Variants in CNTLN observed in about 807,000 individuals in gnomAD.
The protein encoded by CNTLN is centlein.
A neutral mutation model predicts 180.0 loss-of-function variants in CNTLN; 212 were observed. The observed-to-expected ratio is 1.18, with a 90% CI of 1.05 to 1.32. The LOEUF (loss-of-function observed/expected upper bound fraction) is 1.32. Among genes scored for constraint, CNTLN ranks in the 40% most tolerant of loss-of-function variants. The pLI, the probability that CNTLN is intolerant of heterozygous loss-of-function variation, is 0.00. For missense variants in CNTLN, 2,095 were observed against 1,610.9 expected, an observed-to-expected ratio of 1.30 and a Z score of -5.14; for synonymous variants, 722 against 563.1, an observed-to-expected ratio of 1.28 and a Z score of -3.99.
chr9:17,350,428 C>T (rs537005711), intron 12 of CNTLN, among the ~76,000 whole-genome samples: 90 of 152,156 alleles, frequency 5.9e-4, no homozygotes, highest in Non-Finnish European at 1.2e-3. Flanking sequence ...AATGTTACCC[C>T]TTTTATCAGG....
chr9:17,255,139 A>C (rs1826395246), intron 5 of CNTLN, among the ~76,000 whole-genome samples: 1 of 151,780 alleles, frequency 6.6e-6, no homozygotes, highest in African/African-American at 2.4e-5. Context: ...AACAAGAGAT[A>C]ATTTTACTTC....
intron 12 of CNTLN, among the ~76,000 whole-genome samples, chr9:17,354,677 C>G (rs928795507): frequency 2.6e-5 from 4 of 152,018 alleles, no homozygotes; most frequent in South Asian, 2.1e-4. Context: ...CAATCAGCGC[C>G]CTGTCAAAAG....
chr9:17,397,680 C>T (rs944520175), intron 15 of CNTLN, among the ~76,000 whole-genome samples: 1 of 152,138 alleles, frequency 6.6e-6, no homozygotes, highest in African/African-American at 2.4e-5. Flanking sequence ...AGATCTGAGC[C>T]CTATTTTACC....
intron 13 of CNTLN, among the ~76,000 whole-genome samples, chr9:17,371,158 C>G (rs1352371857): frequency 2.0e-5 from 3 of 152,086 alleles, no homozygotes; most frequent in Non-Finnish European, 1.5e-5. Flanking sequence ...ATGGACTAAA[C>G]TCTGTAATCA....
chr9:17,431,731 A>T (rs191585859), intron 18 of CNTLN, among the ~76,000 whole-genome samples: 386 of 152,230 alleles, frequency 2.5e-3, no homozygotes, highest in African/African-American at 8.6e-3. Context: ...CTGAGACTTC[A>T]GTGAGCCATT....
intron 16 of CNTLN, among the ~76,000 whole-genome samples, chr9:17,414,822 G>T (rs1828103676): frequency 6.6e-6 from 1 of 152,186 alleles, no homozygotes; most frequent in Non-Finnish European, 1.5e-5. Context: ...AGGCACTGTG[G>T]CTCACGCCCA....
intron 6 of CNTLN, among the ~76,000 whole-genome samples, chr9:17,284,971 G>A (rs749701708): frequency 1.7e-4 from 25 of 150,796 alleles, no homozygotes; most frequent in Non-Finnish European, 3.0e-4. Flanking sequence ...GTTATCATTG[G>A]TTTCAAAGAA....
rs185310672 is a variant in CNTLN, at chr9:17,195,266, C to T, written c.450-30937C>T. Among the ~76,000 whole-genome samples, 82 of 152,224 alleles carry T rather than the reference C, an allele frequency of 5.4e-4. 1 individual carries two copies. In the East Asian group the frequency reaches 7.9e-3, roughly 15 times the overall value. ...AGCAAGTAGTTACTGAAAGCTAAGT[C>T]GGTTTGAGAGGTCATACTAATGATT... On this transcript the variant is annotated intron_variant, in intron 2 of 25. Transcript: ENST00000380647.
Position 17,226,874 on chromosome 9 carries a change from G to C in CNTLN, c.534+587G>C, listed in dbSNP as rs977247762. 7.9e-5 allele frequency among the ~76,000 whole-genome samples: 12 copies of C among 151,940 alleles called. 1 individual carries two copies. In the South Asian group the frequency reaches 2.5e-3, roughly 32 times the overall value. ...ATATGGTTATAGCAGGAGCAAGAGA[G>C]AGAGACAGGGCATGGTGAGGGAGGT... On this transcript the variant is annotated intron_variant, in intron 3 of 25. Transcript: ENST00000380647.
At chr9:17,491,642 C>T (rs187615796) in intron 25 of CNTLN, among the ~76,000 whole-genome samples, 5 of 151,914 alleles carry the variant, frequency 3.3e-5, no homozygotes, top group South Asian at 4.1e-4. Flanking sequence ...TCATTTTCTT[C>T]TATTGGAACT....
In CNTLN at chr9:17,394,526, T is replaced by C. The variant is rs117116437; in HGVS notation, c.2080-8T>C. The C allele has an allele frequency of 3.1e-3, 4,678 of 1,503,152 alleles. 8 individuals are homozygous for C. The highest frequency in any genetic ancestry group is 4.0e-3 in the Non-Finnish European group (4,433 of 1,113,252). The allele number at this position is 1,503,152 out of a possible 1,614,324, so 93.1% of individuals were successfully genotyped here. ...TGGATTCTTAAAAGAATAAACTCTTTCCTTTAGGTCACTGAGTTGGAAAAT... is the reference window on the plus strand; with the variant it reads ...TGGATTCTTAAAAGAATAAACTCTTCCCTTTAGGTCACTGAGTTGGAAAAT... On this transcript the variant is annotated splice_polypyrimidine_tract_variant and splice_region_variant and intron_variant, in intron 14 of 25. Coordinates refer to ENST00000380647, the MANE Select transcript of CNTLN (RefSeq NM_017738.4).
At chr9:17,491,049 T>G (rs1364645527) in intron 25 of CNTLN, among the ~76,000 whole-genome samples, 3 of 152,106 alleles carry the variant, frequency 2.0e-5, no homozygotes, top group Non-Finnish European at 4.4e-5. Flanking sequence ...TTTTAAACTT[T>G]GCCCACTAAA....
At chr9:17,366,208 C>G (rs1445256146) in intron 12 of CNTLN, among the ~76,000 whole-genome samples, 1 of 152,110 alleles carries the variant, frequency 6.6e-6, no homozygotes, top group Admixed American at 6.5e-5. Context: ...TTACTGTAAC[C>G]TTGAAGTCTT....
intron 12 of CNTLN, among the ~76,000 whole-genome samples, chr9:17,359,941 C>T (rs7037111): frequency 0.5 from 76,126 of 151,270 alleles, 20,390 homozygotes; most frequent in Non-Finnish European, 0.6. Context: ...AGAGGACATA[C>T]GGACATACTA....
chr9:17,301,639 G>A, intron 7 of CNTLN: 3 of 977,966 alleles, frequency 3.1e-6, no homozygotes, highest in Non-Finnish European at 3.6e-6. Flanking sequence ...TTTTGTAGTT[G>A]TTTTAGATGC....
chr9:17,180,610 G>T (rs2131724951), intron 2 of CNTLN, among the ~76,000 whole-genome samples: 1 of 151,940 alleles, frequency 6.6e-6, no homozygotes. Flanking sequence ...TTGTATTTAT[G>T]CAGATTTTTG....
intron 2 of CNTLN, among the ~76,000 whole-genome samples, chr9:17,155,540 C>T (rs537497511): frequency 8.5e-5 from 13 of 152,326 alleles, no homozygotes; most frequent in African/African-American, 3.1e-4. Context: ...TTCGAACTTC[C>T]CAGCAGCTTT....
At chr9:17,377,313 C>T (rs1183873851) in intron 13 of CNTLN, among the ~76,000 whole-genome samples, 1 of 152,106 alleles carries the variant, frequency 6.6e-6, no homozygotes, top group Admixed American at 6.6e-5. Context: ...TGCAGGCCGA[C>T]GCAGGTGGAT....
intron 16 of CNTLN, among the ~76,000 whole-genome samples, chr9:17,409,832 A>G (rs1827702282): frequency 1.3e-5 from 2 of 152,212 alleles, no homozygotes; most frequent in Non-Finnish European, 2.9e-5. Flanking sequence ...CTAAATCTCT[A>G]AATTACTTAT....
Sources: gnomAD v4.1 joint callset for allele counts (sites outside exome capture counted in the v4.1 genomes callset) on GRCh38, gnomAD v4.1.1 for gene constraint, MANE v1.5 for transcripts, NCBI Gene and HGNC (gene_info 2026-07-23, HGNC 2026-07-21) for gene names.